DNAJC11: variants seen among roughly 807,000 people sequenced by gnomAD.
DNAJC11 encodes dnaJ homolog subfamily C member 11.
DNAJC11 carries 15 observed loss-of-function variants against 78.6 expected under a neutral mutation model. That is an observed-to-expected ratio of 0.19 (90% CI 0.13 to 0.29). The LOEUF (loss-of-function observed/expected upper bound fraction) is 0.29, where lower values mean the gene tolerates loss of function less well. DNAJC11 is among the 10% of genes least tolerant of loss of function. The probability of loss-of-function intolerance (pLI) is 1.00; values close to 1 mark genes in which losing one functional copy is unlikely to be tolerated. For missense variants in DNAJC11, 547 were observed against 709.6 expected (o/e 0.77, Z 2.60); for synonymous variants, 292 against 272.1 (o/e 1.07, Z -0.72).
chr1:6,674,262 TAAA>T (rs966533677), intron 3 of DNAJC11, among the ~76,000 whole-genome samples: 1 of 150,708 alleles, frequency 6.6e-6, no homozygotes, highest in South Asian at 2.1e-4. Context: ...CTAGAAGCCT[TAAA>T]AAAAAAGTGG....
At chr1:6,643,328 T>A (rs1193498346) in intron 10 of DNAJC11, among the ~76,000 whole-genome samples, 1 of 146,754 alleles carries the variant, frequency 6.8e-6, no homozygotes, top group Non-Finnish European at 1.5e-5. Flanking sequence ...CAGGCTGGAG[T>A]GCAGTGGCGC....
At chr1:6,647,945 T>C (rs963478916) in intron 7 of DNAJC11, among the ~76,000 whole-genome samples, 1 of 152,194 alleles carries the variant, frequency 6.6e-6, no homozygotes, top group African/African-American at 2.4e-5. Flanking sequence ...TAAAACTAAA[T>C]TCAATTTCCA....
intron 7 of DNAJC11, among the ~76,000 whole-genome samples, chr1:6,648,014 G>A (rs1053073018): frequency 1.3e-5 from 2 of 152,140 alleles, no homozygotes; most frequent in African/African-American, 4.8e-5. Flanking sequence ...TCAATGAATA[G>A]ACACTGAGGC....
chr1:6,654,009 C>T lies in DNAJC11; in HGVS notation c.409G>A (p.Asp137Asn), dbSNP rs1482836227. The stretch of plus-strand genomic sequence containing the variant: ...TCCTCATCATAGCGATCAAAAAGGT[C>T]GGTGGCATCTACTCCAACGCTGATC... ...GTISVGVDAT[D>N]LFDRYDEEYE... is the part of the protein sequence containing the mutation. The change falls in exon 5 of 16, where the codon GAC (aspartate) becomes AAC (asparagine). Residue 137 changes from aspartate (D) to asparagine (N), a missense_variant. Asp to Asn is a conservative substitution (Grantham distance 23). Coordinates refer to ENST00000377577, the MANE Select transcript of DNAJC11 (RefSeq NM_018198.4). 9.9e-6 allele frequency: 16 copies of T among 1,613,412 alleles called. No homozygotes were observed. Among genetic ancestry groups the T allele is most frequent in the South Asian group, 9.9e-5 (9 of 91,062 alleles).
At chr1:6,666,391 T>A in intron 4 of DNAJC11, among the ~76,000 whole-genome samples, 1 of 44,734 alleles carries the variant, frequency 2.2e-5, no homozygotes, top group South Asian at 5.6e-4. Context: ...TTTTCTTTTT[T>A]TTTTTTTTTT....
In DNAJC11 at chr1:6,645,745, C is replaced by T. The variant is rs748097837; in HGVS notation, c.894+44G>A. 6.3e-7 allele frequency: 1 copy of T among 1,599,690 alleles called. No homozygotes were observed. Among genetic ancestry groups the T allele is most frequent in the Non-Finnish European group, 8.6e-7 (1 of 1,169,172 alleles). ...CACTGAGTGCTTGGGAGGAGGGGTC[C>T]TCCCAGAGCTCTGTCTGCAGGAGAT... On this transcript the variant is annotated intron_variant, in intron 8 of 15. Transcript: ENST00000377577. This position sits in a 1 kb window ranked among gnomAD's most constrained non-coding sequence, Gnocchi z 4.1.
Position 6,653,057 on chromosome 1 carries a change from T to G in DNAJC11, c.508-106A>C. 1 of 1,315,832 alleles carries G rather than the reference T, an allele frequency of 7.6e-7. No individual in the cohort carries two copies. Among genetic ancestry groups the G allele is most frequent in the Non-Finnish European group, 1.1e-6 (1 of 937,240 alleles). The allele number at this position is 1,315,832 out of a possible 1,614,324, so 81.5% of individuals were successfully genotyped here. ...AGCCCAAGGCCAAAGGTGCAGACGA[T>G]TCCTCTGTTCAGAAGCACACATGGA... On this transcript the variant is annotated intron_variant, in intron 5 of 15. Coordinates refer to ENST00000377577, the MANE Select transcript of DNAJC11 (RefSeq NM_018198.4). This position sits in a 1 kb window ranked among gnomAD's most constrained non-coding sequence, Gnocchi z 4.5.
In DNAJC11 at chr1:6,644,677, G is replaced by A; in HGVS notation, c.981-3C>T. ...CCACCGTCCCAAAGAAGCCTGCTCT[G>A]CAGGGAGAGAACGCGGTCTGTGCCT... On this transcript the variant is annotated splice_region_variant and splice_polypyrimidine_tract_variant and intron_variant, in intron 9 of 15. Coordinates refer to ENST00000377577, the MANE Select transcript of DNAJC11 (RefSeq NM_018198.4). The A allele has an allele frequency of 6.2e-7, 1 of 1,613,104 alleles. No individual in the cohort carries two copies. The highest frequency in any genetic ancestry group is 1.7e-5 in the Admixed American group (1 of 60,022).
chr1:6,683,580 G>A (rs970221149), intron 1 of DNAJC11, among the ~76,000 whole-genome samples: 1 of 152,202 alleles, frequency 6.6e-6, no homozygotes, highest in Admixed American at 6.5e-5. Context: ...ATACAAGCAT[G>A]AGTGCCTAAC....
rs117733014 is a variant in DNAJC11 at position 6,668,146 on chromosome 1, T to G, written c.277-336A>C. On this transcript the variant is annotated intron_variant, in intron 3 of 15. Transcript: ENST00000377577. ...TCACCTTATGAATTTCTTTCTTTTT[T>G]TTCTTTTTTGAGACGGAGTCTCGCT... 4.9e-4 allele frequency: 119 copies of G among 242,716 alleles called. 1 individual carries two copies. The East Asian group carries it at 1.0e-2, about 20-fold the overall frequency. The allele number at this position is 242,716 out of a possible 1,614,324, so 15.0% of individuals were successfully genotyped here. A position where few individuals can be genotyped will look rare whatever the true frequency, so the allele number is the denominator to read the frequency against.
At chr1:6,637,966 G>T in intron 12 of DNAJC11, 1 of 385,464 alleles carries the variant, frequency 2.6e-6, no homozygotes, top group East Asian at 4.8e-5. Context: ...TCGCCAGGCC[G>T]CGCACACGGC....
rs1641790822 is a variant in DNAJC11, at chr1:6,637,072, A to G, written c.1524+126T>C. On this transcript the variant is annotated intron_variant, in intron 14 of 15. Transcript: ENST00000377577. ...GCCATGTTGCCTAGGCTGATCTTGAACTCCTGGGCTCAAGCAATCCGCCCA... is the reference window on the plus strand; with the variant it reads ...GCCATGTTGCCTAGGCTGATCTTGAGCTCCTGGGCTCAAGCAATCCGCCCA... 9 of 1,258,006 alleles carry G rather than the reference A, an allele frequency of 7.2e-6. No individual in the cohort carries two copies. In the South Asian group the frequency reaches 1.2e-4, roughly 17 times the overall value. 77.9% of individuals were successfully genotyped at this position (1,258,006 alleles called of 1,614,324 possible).
In DNAJC11 at chr1:6,653,958, A is replaced by G; in HGVS notation, c.460T>C (p.Phe154Leu). ...EEYEDVSGSS[F>L]PQIEINKMHI... ...ATTTTATTAATTTCAATCTGCGGAAAGCTACTGCCGGACACATCTTCATAC... is the reference window on the plus strand; with the variant it reads ...ATTTTATTAATTTCAATCTGCGGAAGGCTACTGCCGGACACATCTTCATAC... The change falls in exon 5 of 16, where the codon TTT (phenylalanine) becomes CTT (leucine). Residue 154 changes from phenylalanine to leucine, a missense_variant. Transcript: ENST00000377577. The surrounding 1 kb of genome is among the most constrained non-coding windows in gnomAD (Gnocchi z 4.5). The G allele has an allele frequency of 6.2e-7, 1 of 1,613,588 alleles. No individual in the cohort carries two copies.
At position 6,635,239 on chromosome 1, in the gene DNAJC11, G is replaced by A. The variant is rs559461050; in HGVS notation, c.*436C>T. On this transcript the variant is annotated 3_prime_UTR_variant, in exon 16 of 16. Coordinates refer to ENST00000377577, the MANE Select transcript of DNAJC11 (RefSeq NM_018198.4). Reference sequence around the variant, plus strand: ...CAGAGGCTCCCTGACCGGGAGGCCTGCCTGCTTTTCAGGTTGTTTCCCATG... The same window carrying A: ...CAGAGGCTCCCTGACCGGGAGGCCTACCTGCTTTTCAGGTTGTTTCCCATG... The A allele has an allele frequency of 6.3e-5, 11 of 174,476 alleles. No homozygotes were observed. In the South Asian group the frequency reaches 1.1e-3, roughly 17 times the overall value. 10.8% of individuals were successfully genotyped at this position (174,476 alleles called of 1,614,324 possible).
chr1:6,667,588 G>T, intron 4 of DNAJC11, 121 bp downstream of exon 4: 2 of 781,770 alleles, frequency 2.6e-6, no homozygotes, highest in Non-Finnish European at 4.2e-6. Flanking sequence ...GCTAAATTTT[G>T]TCCCACCAGC....
Position 6,634,387 on chromosome 1 carries a change from G to C in DNAJC11, c.*1288C>G, listed in dbSNP as rs958297266. The C allele has an allele frequency of 2.5e-6, 3 of 1,199,310 alleles. No homozygotes were observed. The highest frequency in any genetic ancestry group is 3.3e-6 in the Non-Finnish European group (3 of 920,314). 74.3% of individuals were successfully genotyped at this position (1,199,310 alleles called of 1,614,324 possible). A position where few individuals can be genotyped will look rare whatever the true frequency, so the allele number is the denominator to read the frequency against. ...TGAATGTTACAGAATTGGACAACCCGAACTGCTTTTCAAAACCAGAGGAAG... is the reference window on the plus strand; with the variant it reads ...TGAATGTTACAGAATTGGACAACCCCAACTGCTTTTCAAAACCAGAGGAAG... On this transcript the variant is annotated 3_prime_UTR_variant, in exon 16 of 16. Coordinates refer to ENST00000377577, the MANE Select transcript of DNAJC11 (RefSeq NM_018198.4).
At chr1:6,690,556 C>A (rs917064028) in intron 1 of DNAJC11, among the ~76,000 whole-genome samples, 3 of 152,210 alleles carry the variant, frequency 2.0e-5, no homozygotes, top group African/African-American at 7.2e-5. Context: ...ACATTCAAAT[C>A]ATCACCAATG....
chr1:6,667,643 A>G (rs1570291406), intron 4 of DNAJC11, 66 bp downstream of exon 4: 2 of 1,333,872 alleles, frequency 1.5e-6, no homozygotes, highest in East Asian at 4.6e-5. Flanking sequence ...TCATTATTTC[A>G]GACCTGGCTT....
chr1:6,693,842 T>C (rs564140618), intron 1 of DNAJC11, among the ~76,000 whole-genome samples: 222 of 149,148 alleles, frequency 1.5e-3, no homozygotes, highest in African/African-American at 5.3e-3. Context: ...CCATTTTTTT[T>C]TTTTTTTTTT....
Sources: gnomAD v4.1 joint callset for allele counts (sites outside exome capture counted in the v4.1 genomes callset) on GRCh38, gnomAD v4.1.1 for gene constraint, Gnocchi (gnomAD v3.1) non-coding constraint, MANE v1.5 for transcripts, NCBI Gene and HGNC (gene_info 2026-07-23, HGNC 2026-07-21) for gene names.